Variants in ECE2 observed in about 807,000 individuals in gnomAD.
ECE2 encodes endothelin converting enzyme 2.
In ECE2, 81 loss-of-function variants were observed where a neutral mutation model predicts 100.6. The observed-to-expected ratio is 0.81, with a 90% CI of 0.67 to 0.97. ECE2 has a LOEUF of 0.97. Among genes scored for constraint, ECE2 ranks in the 50% least tolerant of loss-of-function variants. The pLI is 0.00. For synonymous variants in ECE2, 391 were observed against 391.5 expected, an observed-to-expected ratio of 1.00 and a Z score of 0.02; for missense variants, 911 against 988.1, an observed-to-expected ratio of 0.92 and a Z score of 1.05.
At chr3:184,283,561 C>CAAAA (rs35761542) in intron 7 of ECE2, among the ~76,000 whole-genome samples, 115 of 53,096 alleles carry the variant, frequency 2.2e-3, no homozygotes, top group South Asian at 3.2e-3. Context: ...GACTCCATCT[C>CAAAA]AAAAAAAAAA....
chr3:184,290,495 G>A, intron 14 of ECE2, 62 bp from the exon 15 acceptor site: 1 of 1,579,972 alleles, frequency 6.3e-7, no homozygotes, highest in Non-Finnish European at 8.7e-7. Context: ...GGGCAGGGCT[G>A]TTGGGAGGGG....
chr3:184,277,130 A>G (rs1720590225), intron 3 of ECE2, 103 bp downstream of exon 3: 1 of 1,599,638 alleles, frequency 6.3e-7, no homozygotes, highest in African/African-American at 1.3e-5. Flanking sequence ...TCCCTGCAGA[A>G]AAGCCCCCGG....
At position 184,290,824 on chromosome 3, in the gene ECE2, A is replaced by C; in HGVS notation, c.1798A>C (p.Met600Leu). Residue 600 changes from methionine to leucine, a missense_variant, in exon 16 of 19, where the codon ATG becomes CTG. By Grantham distance (15) the Met-to-Leu change is conservative (BLOSUM62 2). Coordinates refer to ENST00000404464, the MANE Select transcript of ECE2 (RefSeq NM_001100121.2). Reference sequence around the variant, plus strand: ...GAACTTCGGTGGCATCGGTGTGGTCATGGGCCATGAGTTGACGCATGCCTT... The same window carrying C: ...GAACTTCGGTGGCATCGGTGTGGTCCTGGGCCATGAGTTGACGCATGCCTT... Reference protein sequence around the residue: ...ALNFGGIGVVMGHELTHAFDD... With the variant: ...ALNFGGIGVVLGHELTHAFDD... The C allele has an allele frequency of 6.2e-7, 1 of 1,614,178 alleles. No individual in the cohort carries two copies. The highest frequency in any genetic ancestry group is 8.5e-7 in the Non-Finnish European group (1 of 1,180,030).
At position 184,284,928 on chromosome 3, in the gene ECE2, T is replaced by G. The variant is rs763305800; in HGVS notation, c.1006-35T>G. 9.4e-6 allele frequency: 15 copies of G among 1,602,544 alleles called. No individual in the cohort carries two copies. In the South Asian group the frequency reaches 1.3e-4, roughly 14 times the overall value. ...GGGGGAGGGTTCTGCTGGAAGCGAGTCGGGCAGGCAAGGCCTGAGATTTTT... is the reference window on the plus strand; with the variant it reads ...GGGGGAGGGTTCTGCTGGAAGCGAGGCGGGCAGGCAAGGCCTGAGATTTTT... On this transcript the variant is annotated intron_variant, in intron 8 of 18. Transcript: ENST00000404464.
intron 7 of ECE2, among the ~76,000 whole-genome samples, chr3:184,281,675 C>T (rs1206404009): frequency 1.3e-5 from 2 of 152,238 alleles, no homozygotes. Flanking sequence ...GAACCACATC[C>T]TTCAACCCTT....
chr3:184,291,572 C>T lies in ECE2; in HGVS notation c.2121+133C>T. ...CTGAGGCTGGGGCATGAAAGGTGGG[C>T]TGGGAAGGCCCATGCCCAGAGCCTC... On this transcript the variant is annotated intron_variant, in intron 18 of 18. Transcript: ENST00000404464. The surrounding 1 kb of genome is among the most constrained non-coding windows in gnomAD (Gnocchi z 4.1). The T allele has an allele frequency of 1.1e-6, 1 of 920,498 alleles. No homozygotes were observed. Among genetic ancestry groups the T allele is most frequent in the Non-Finnish European group, 1.6e-6 (1 of 634,808 alleles). The allele number at this position is 920,498 out of a possible 1,614,324, so 57.0% of individuals were successfully genotyped here.
intron 7 of ECE2, among the ~76,000 whole-genome samples, chr3:184,282,616 G>C (rs114107937): frequency 6.6e-6 from 1 of 152,204 alleles, no homozygotes; most frequent in African/African-American, 2.4e-5. Context: ...TGGAGCCTCA[G>C]GGCCAGCAGG....
chr3:184,288,972 T>C (rs1721185614), intron 11 of ECE2, among the ~76,000 whole-genome samples: 1 of 152,060 alleles, frequency 6.6e-6, no homozygotes, highest in South Asian at 2.1e-4. Context: ...CTGGCCAAGA[T>C]GGTGAAACCC....
Position 184,278,265 on chromosome 3 carries a change from C to T in ECE2, c.702C>T (p.Thr234=), listed in dbSNP as rs375113736. The change falls in exon 6 of 19, where the codon ACC becomes ACT. Residue 234 remains threonine (T), a synonymous_variant. Transcript: ENST00000404464. ...CCTACAGGGCCACCCCATTCTTCAC[C>T]GTCTACATCAGTGCCGACTCTAAGA... The part of the protein sequence containing the change: ...AGTYRATPFF[T]VYISADSKSS... 7 of 1,614,168 alleles carry T rather than the reference C, an allele frequency of 4.3e-6. No individual in the cohort carries two copies. The highest frequency in any genetic ancestry group is 3.3e-5 in the Admixed American group (2 of 60,020).
chr3:184,291,438 A>G lies in ECE2; in HGVS notation c.2120A>G (p.Gln707Arg), dbSNP rs1273984951. 6.3e-7 allele frequency: 1 copy of G among 1,583,030 alleles called. No individual in the cohort carries two copies. Among genetic ancestry groups the G allele is most frequent in the East Asian group, 2.2e-5 (1 of 44,758 alleles). The change falls in exon 18 of 19, where the codon CAG becomes CGG. Residue 707 changes from glutamine to arginine, a missense_variant and splice_region_variant. Physicochemically the swap from Gln to Arg is conservative, Grantham distance 43. Transcript: ENST00000404464. The surrounding 1 kb of genome is among the most constrained non-coding windows in gnomAD (Gnocchi z 4.1). ...NHQLFFVGFA[Q>R]VWCSVRTPES... is the part of the protein sequence containing the mutation. Reference sequence around the variant, plus strand: ...CAGCTCTTCTTCGTGGGATTTGCCCAGGTATCACCCTCTCGGAAGGCCTGG... The same window carrying G: ...CAGCTCTTCTTCGTGGGATTTGCCCGGGTATCACCCTCTCGGAAGGCCTGG...
In ECE2 at chr3:184,291,603, A is replaced by T. The variant is rs1237139732; in HGVS notation, c.2121+164A>T. On this transcript the variant is annotated intron_variant, in intron 18 of 18. Transcript: ENST00000404464. The surrounding 1 kb of genome is among the most constrained non-coding windows in gnomAD (Gnocchi z 4.1). ...AGGCCCATGCCCAGAGCCTCCGGCC[A>T]GCCAGGGCCCACAAAGGCAGCCTGA... 1.5e-6 allele frequency: 1 copy of T among 674,674 alleles called. No individual in the cohort carries two copies. The highest frequency in any genetic ancestry group is 1.8e-5 in the African/African-American group (1 of 54,310). 41.8% of individuals were successfully genotyped at this position (674,674 alleles called of 1,614,324 possible). A position where few individuals can be genotyped will look rare whatever the true frequency, so the allele number is the denominator to read the frequency against.
rs1372591947 is a variant in ECE2 at position 184,290,593 on chromosome 3, C to G, written c.1692C>G (p.Tyr564Ter). Residue 564 changes from tyrosine (Y) to a stop codon, truncating the protein, a stop_gained, in exon 15 of 19, where the codon TAC (tyrosine) becomes TAG (stop). Transcript: ENST00000404464. LOFTEE classifies it high-confidence loss of function. ...CCCCCCAGACAGTGAATGCCTACTA[C>G]CTTCCAACTAAGAATGAGATCGTCT... ...SMTPQTVNAY[Y>*]LPTKNEIVFP... The G allele has an allele frequency of 1.9e-6, 3 of 1,614,086 alleles. No homozygotes were observed. The highest frequency in any genetic ancestry group is 2.2e-5 in the South Asian group (2 of 91,086).
At chr3:184,285,274 C>A (rs1720988798) in intron 9 of ECE2, among the ~76,000 whole-genome samples, 169 bp downstream of exon 9, 1 of 152,104 alleles carries the variant, frequency 6.6e-6, no homozygotes, top group African/African-American at 2.4e-5. Flanking sequence ...TTGCAGGGTG[C>A]TCCCTGTGAT....
rs189893178 is a variant in ECE2 at position 184,285,093 on chromosome 3, G to A, written c.1136G>A (p.Arg379His). Residue 379 changes from arginine to histidine, a missense_variant, in exon 9 of 19, where the codon CGC becomes CAC. By Grantham distance (29) the Arg-to-His change is conservative. Coordinates refer to ENST00000404464, the MANE Select transcript of ECE2 (RefSeq NM_001100121.2). ...YLQQVSELIN[R>H]TEPSILNNYL... Reference sequence around the variant, plus strand: ...CAGCAGGTGTCAGAGCTCATCAACCGCACGGAACCAAGGTGTGGGGGTAGC... The same window carrying A: ...CAGCAGGTGTCAGAGCTCATCAACCACACGGAACCAAGGTGTGGGGGTAGC... 46 of 1,613,886 alleles carry A rather than the reference G, an allele frequency of 2.9e-5. No individual in the cohort carries two copies. Among genetic ancestry groups the A allele is most frequent in the African/African-American group, 5.3e-5 (4 of 75,044 alleles).
chr3:184,287,768 G>A, intron 10 of ECE2, 69 bp from the exon 11 acceptor site: 1 of 1,398,078 alleles, frequency 7.2e-7, no homozygotes, highest in Non-Finnish European at 1.0e-6. Flanking sequence ...TAGCCCCAGT[G>A]ACAGAGAAAG....
At chr3:184,279,818 T>C (rs1329852943) in intron 7 of ECE2, among the ~76,000 whole-genome samples, 3 of 152,066 alleles carry the variant, frequency 2.0e-5, no homozygotes, top group Non-Finnish European at 4.4e-5. Context: ...CTACGGAGTT[T>C]ATTCTGTAGC....
chr3:184,276,619 C>T (rs1463459234), intron 2 of ECE2, 52 bp downstream of exon 2: 4 of 1,587,798 alleles, frequency 2.5e-6, no homozygotes, highest in Non-Finnish European at 3.4e-6. Context: ...TGGCATGACG[C>T]CTGGCACACC....
intron 10 of ECE2, among the ~76,000 whole-genome samples, chr3:184,286,830 G>A (rs1199362783): frequency 6.7e-6 from 1 of 149,512 alleles, no homozygotes; most frequent in Non-Finnish European, 1.5e-5. Context: ...ATTGCAGACT[G>A]AGTGTGGTGG....
chr3:184,290,180 G>T, intron 13 of ECE2, 75 bp from the exon 14 acceptor site: 1 of 1,204,614 alleles, frequency 8.3e-7, no homozygotes, highest in Non-Finnish European at 1.2e-6. Context: ...AGATACTAAT[G>T]AGTAGCCAAA....
Sources: allele counts gnomAD v4.1 joint callset (sites outside exome capture counted in the v4.1 genomes callset), GRCh38; gene constraint gnomAD v4.1.1; non-coding constraint Gnocchi (gnomAD v3.1); transcripts MANE v1.5; gene names NCBI Gene and HGNC (gene_info 2026-07-23, HGNC 2026-07-21).